The following IFT88 variants were observed in gnomAD, a reference collection of about 807,000 sequenced individuals.
The protein encoded by IFT88 is intraflagellar transport protein 88 homolog.
Under a neutral mutation model 119.5 loss-of-function variants are expected in IFT88, and 74 were observed. The observed-to-expected ratio is 0.62, with a 90% CI of 0.51 to 0.75. IFT88 has a LOEUF of 0.75. Ranked by LOEUF, IFT88 falls within the 30% of genes least tolerant of loss-of-function variation. The probability of loss-of-function intolerance (pLI) is 0.00; values close to 1 mark genes in which losing one functional copy is unlikely to be tolerated. For synonymous variants in IFT88, 279 were observed against 316.7 expected (o/e 0.88, Z 1.26); for missense variants, 961 against 977.7 (o/e 0.98, Z 0.23).
chr13:20,612,157 A>G (rs2044676005), intron 13 of IFT88: 1 of 151,074 alleles, frequency 6.6e-6, no homozygotes, highest in Non-Finnish European at 1.5e-5. Flanking sequence ...GCAGAAATAT[A>G]TTAATATCTT....
chr13:20,637,905 A>T (rs978918770), intron 16 of IFT88, among the ~76,000 whole-genome samples: 1 of 152,220 alleles, frequency 6.6e-6, no homozygotes, highest in African/African-American at 2.4e-5. Context: ...AGCATTTGGC[A>T]TGGAGACGGA....
In IFT88 at chr13:20,596,082, A is replaced by AAATAC; in HGVS notation, c.399-64_399-63insCAATA. ...AAATAAAATAAAATAAAATAAAATAAAATAAATTTTAGTATAGATTTTTAG... is the reference window on the plus strand; with the variant it reads ...AAATAAAATAAAATAAAATAAAATAAAATACAATAAATTTTAGTATAGATTTTTAG... On this transcript the variant is annotated intron_variant, in intron 7 of 25. Transcript: ENST00000351808. 4 of 439,568 alleles carry AAATAC rather than the reference A, an allele frequency of 9.1e-6. 1 individual carries two copies. Among genetic ancestry groups the AAATAC allele is most frequent in the Non-Finnish European group, 1.5e-5 (4 of 264,876 alleles). 27.2% of individuals were successfully genotyped at this position (439,568 alleles called of 1,614,324 possible). A position where few individuals can be genotyped will look rare whatever the true frequency, so the allele number is the denominator to read the frequency against.
chr13:20,631,172 A>G (rs1176789736), intron 16 of IFT88, 70 bp downstream of exon 16: 3 of 964,632 alleles, frequency 3.1e-6, no homozygotes, highest in Non-Finnish European at 3.4e-6. Context: ...CCCAAGGATC[A>G]TGCCTAGGGA....
intron 24 of IFT88, among the ~76,000 whole-genome samples, chr13:20,673,537 T>G (rs374519609): frequency 7.2e-5 from 11 of 152,286 alleles, no homozygotes; most frequent in African/African-American, 2.2e-4. Flanking sequence ...CCAGCCTCCC[T>G]GGTGACCTTT....
intron 16 of IFT88, among the ~76,000 whole-genome samples, chr13:20,634,392 A>C (rs567240161): frequency 6.6e-6 from 1 of 152,228 alleles, no homozygotes; most frequent in Non-Finnish European, 1.5e-5. Flanking sequence ...GCCAGGATCT[A>C]CATCAGGTCT....
intron 1 of IFT88, among the ~76,000 whole-genome samples, chr13:20,572,433 G>C (rs1021362850): frequency 7.9e-5 from 12 of 152,052 alleles, no homozygotes; most frequent in African/African-American, 2.9e-4. Context: ...TGACCAAGCT[G>C]GTCTCAAACT....
At chr13:20,597,484 C>G (rs1274328551) in intron 9 of IFT88, among the ~76,000 whole-genome samples, 1 of 152,128 alleles carries the variant, frequency 6.6e-6, no homozygotes, top group Non-Finnish European at 1.5e-5. Flanking sequence ...GTGGCTCACG[C>G]CTGTAATCCC....
At position 20,631,028 on chromosome 13, in the gene IFT88, T is replaced by A. The variant is rs373316646; in HGVS notation, c.1312T>A (p.Leu438Ile). 3.0e-5 allele frequency: 48 copies of A among 1,588,548 alleles called. No individual in the cohort carries two copies. The highest frequency in any genetic ancestry group is 3.8e-5 in the Non-Finnish European group (44 of 1,156,886). The change falls in exon 16 of 26, where the codon TTA (leucine) becomes ATA (isoleucine). Residue 438 changes from leucine (L) to isoleucine (I), a missense_variant. Coordinates refer to ENST00000351808, the MANE Select transcript of IFT88 (RefSeq NM_006531.5). ...ATTCCATTTCTAGGCTGTAGAGATC[T>A]TAAAAGTGTTGGAAAAAAAGGACAG... The part of the protein sequence containing the change: ...QKDYNQAVEI[L>I]KVLEKKDSRV...
chr13:20,649,813 C>T (rs1051601013), intron 20 of IFT88, among the ~76,000 whole-genome samples: 1 of 152,054 alleles, frequency 6.6e-6, no homozygotes, highest in African/African-American at 2.4e-5. Context: ...GTAGAGGCCT[C>T]ACTACCAATT....
At chr13:20,684,732 G>A (rs1389093918) in intron 24 of IFT88, among the ~76,000 whole-genome samples, 3 of 152,154 alleles carry the variant, frequency 2.0e-5, no homozygotes, top group African/African-American at 4.8e-5. Flanking sequence ...CTCAAGCCTC[G>A]TGCCTGCTCG....
At chr13:20,621,526 T>TAAAAAAAAAAAAAAAAAAAAAAAAAA (rs200491393) in intron 14 of IFT88, among the ~76,000 whole-genome samples, 1 of 130,746 alleles carries the variant, frequency 7.6e-6, no homozygotes, top group Non-Finnish European at 1.6e-5. Context: ...CCTGCTGAGA[T>TAAAAAAAAAAAAAAAAAAAAAAAAAA]AAAAAAAAAA....
chr13:20,630,831 T>C (rs2048099100), intron 15 of IFT88, among the ~76,000 whole-genome samples, 185 bp from the exon 16 acceptor site: 1 of 152,230 alleles, frequency 6.6e-6, no homozygotes, highest in African/African-American at 2.4e-5. Context: ...ATTTTATTCT[T>C]TTTTATAAAT....
intron 22 of IFT88, among the ~76,000 whole-genome samples, chr13:20,658,396 G>A (rs1209536066): frequency 6.6e-6 from 1 of 152,100 alleles, no homozygotes; most frequent in Admixed American, 6.5e-5. Flanking sequence ...CTTTTTTAAA[G>A]TACAAATTTC....
chr13:20,640,263 A>G (rs985496066), intron 17 of IFT88, among the ~76,000 whole-genome samples: 5 of 151,810 alleles, frequency 3.3e-5, no homozygotes, highest in African/African-American at 1.2e-4. Flanking sequence ...TTTTTATGAA[A>G]TAAGAATCTA....
At chr13:20,679,340 G>A (rs2057058424) in intron 24 of IFT88, among the ~76,000 whole-genome samples, 1 of 152,166 alleles carries the variant, frequency 6.6e-6, no homozygotes, top group African/African-American at 2.4e-5. Context: ...TGTTTGTACT[G>A]TGGAATGCAG....
chr13:20,688,837 C>T (rs1183612741), intron 24 of IFT88, among the ~76,000 whole-genome samples: 1 of 152,180 alleles, frequency 6.6e-6, no homozygotes, highest in Non-Finnish European at 1.5e-5. Flanking sequence ...AGTGATCCTC[C>T]CATCTCATCC....
chr13:20,610,660 T>A (rs2044329160), intron 13 of IFT88, among the ~76,000 whole-genome samples: 1 of 148,672 alleles, frequency 6.7e-6, no homozygotes. Context: ...AGTACCCTAC[T>A]ACCAAAATCA....
At chr13:20,668,744 A>T (rs1245200611) in intron 23 of IFT88, among the ~76,000 whole-genome samples, 1 of 152,140 alleles carries the variant, frequency 6.6e-6, no homozygotes, top group Admixed American at 6.5e-5. Context: ...GAGATGAGGG[A>T]GGAGGAAATA....
At chr13:20,595,115 A>G (rs910282782) in intron 7 of IFT88, among the ~76,000 whole-genome samples, 31 of 152,060 alleles carry the variant, frequency 2.0e-4, no homozygotes, top group African/African-American at 6.8e-4. Flanking sequence ...AACTTTCTCT[A>G]TGGCCAGGCA....
Sources: gnomAD v4.1 joint callset for allele counts (sites outside exome capture counted in the v4.1 genomes callset) on GRCh38, gnomAD v4.1.1 for gene constraint, MANE v1.5 for transcripts, NCBI Gene and HGNC (gene_info 2026-07-23, HGNC 2026-07-21) for gene names.